The following KIF6 variants were observed in gnomAD, a reference collection of about 807,000 sequenced individuals.
KIF6 encodes kinesin-like protein KIF6.
KIF6 carries 106 observed loss-of-function variants against 112.7 expected under a neutral mutation model. That is an observed-to-expected ratio of 0.94 (90% CI 0.80 to 1.11). The LOEUF (loss-of-function observed/expected upper bound fraction) is 1.11. Ranked by LOEUF, KIF6 falls within the 50% of genes least tolerant of loss-of-function variation. KIF6 has a pLI of 0.00. For missense variants in KIF6, 929 were observed against 964.0 expected (o/e 0.96, Z 0.48); for synonymous variants, 339 against 339.9 (o/e 1.00, Z 0.03).
intron 13 of KIF6, among the ~76,000 whole-genome samples, chr6:39,524,759 T>C (rs1490459819): frequency 1.3e-5 from 2 of 152,208 alleles, no homozygotes; most frequent in Non-Finnish European, 2.9e-5. Context: ...ACAGCTCATC[T>C]TCTCCGTCCT....
At chr6:39,402,112 C>T (rs146149800) in intron 15 of KIF6, among the ~76,000 whole-genome samples, 1 of 152,150 alleles carries the variant, frequency 6.6e-6, no homozygotes, top group Non-Finnish European at 1.5e-5. Context: ...CTACTCTTTC[C>T]TCACTTGCTG....
intron 10 of KIF6, among the ~76,000 whole-genome samples, chr6:39,568,008 G>T (rs541088203): frequency 6.6e-6 from 1 of 152,270 alleles, no homozygotes; most frequent in African/African-American, 2.4e-5. Flanking sequence ...AAGCCAGAGG[G>T]GGCCTGAGCG....
chr6:39,548,150 T>C (rs1317609116), intron 10 of KIF6, among the ~76,000 whole-genome samples: 1 of 152,236 alleles, frequency 6.6e-6, no homozygotes, highest in Non-Finnish European at 1.5e-5. Context: ...GCTTTTTCTT[T>C]AGAAAACAAC....
At chr6:39,460,417 T>A (rs1258411742) in intron 13 of KIF6, among the ~76,000 whole-genome samples, 45 of 135,134 alleles carry the variant, frequency 3.3e-4, no homozygotes, top group African/African-American at 1.1e-3. Context: ...GAGATATACC[T>A]AATGCTAGAT....
chr6:39,394,098 T>C (rs1227585349), intron 15 of KIF6, among the ~76,000 whole-genome samples: 1 of 152,118 alleles, frequency 6.6e-6, no homozygotes, highest in Non-Finnish European at 1.5e-5. Flanking sequence ...GGAGGTTATG[T>C]GAATGAATAT....
chr6:39,611,115 G>A (rs1783191682), intron 6 of KIF6, among the ~76,000 whole-genome samples: 1 of 152,132 alleles, frequency 6.6e-6, no homozygotes, highest in Non-Finnish European at 1.5e-5. Flanking sequence ...AGACCAGCCT[G>A]GCTAACATGG....
chr6:39,609,400 T>A (rs116695464), intron 6 of KIF6, among the ~76,000 whole-genome samples: 22 of 152,232 alleles, frequency 1.4e-4, no homozygotes, highest in African/African-American at 3.1e-4. Context: ...CCAGAATCCA[T>A]CCAGGTCAAT....
intron 13 of KIF6, among the ~76,000 whole-genome samples, chr6:39,436,758 G>A (rs544171467): frequency 6.6e-6 from 1 of 152,150 alleles, no homozygotes; most frequent in East Asian, 1.9e-4. Context: ...ATGCTGTTTT[G>A]GTTATTATAG....
chr6:39,637,050 A>G (rs563220848), intron 4 of KIF6, among the ~76,000 whole-genome samples: 1 of 152,172 alleles, frequency 6.6e-6, no homozygotes, highest in East Asian at 1.9e-4. Context: ...TTATTGCTGT[A>G]GTTATTGTTT....
At chr6:39,665,545 TA>T (rs934304047) in intron 3 of KIF6, among the ~76,000 whole-genome samples, 2 of 152,008 alleles carry the variant, frequency 1.3e-5, no homozygotes, top group Admixed American at 6.6e-5. Flanking sequence ...TTTAAATAGT[TA>T]AAAAAACTAT....
chr6:39,587,600 C>T lies in KIF6; in HGVS notation c.847-1196G>A, dbSNP rs116183235. 5.8e-3 allele frequency among the ~76,000 whole-genome samples: 887 copies of T among 152,160 alleles called. 10 individuals carry two copies. Among genetic ancestry groups the T allele is most frequent in the African/African-American group, 0.015 (626 of 41,490 alleles). ...TTCTTCAAACCTTTGTTCACCCTCT[C>T]CTCTCCTCAATTTCACTTCGAGCTG... On this transcript the variant is annotated intron_variant, in intron 7 of 22. Coordinates refer to ENST00000287152, the MANE Select transcript of KIF6 (RefSeq NM_145027.6).
chr6:39,715,920 T>C (rs114842175), intron 2 of KIF6, among the ~76,000 whole-genome samples: 253 of 152,262 alleles, frequency 1.7e-3, no homozygotes, highest in African/African-American at 5.9e-3. Context: ...ACATAACACA[T>C]AGCTGCTGAA....
chr6:39,402,430 C>T lies in KIF6; in HGVS notation c.1811-16758G>A, dbSNP rs183488589. Among the ~76,000 whole-genome samples, 9 of 152,186 alleles carry T rather than the reference C, an allele frequency of 5.9e-5. No homozygotes were observed. In the East Asian group the frequency reaches 1.2e-3, roughly 20 times the overall value. On this transcript the variant is annotated intron_variant, in intron 15 of 22. Transcript: ENST00000287152. ...TCAGGGAGAGACATTTCTGGCTGTGCGGAACCTGATGAAATACTGTTTTGT... is the reference window on the plus strand; with the variant it reads ...TCAGGGAGAGACATTTCTGGCTGTGTGGAACCTGATGAAATACTGTTTTGT...
intron 15 of KIF6, among the ~76,000 whole-genome samples, chr6:39,413,269 G>A (rs1405962267): frequency 1.3e-5 from 2 of 152,058 alleles, no homozygotes; most frequent in African/African-American, 4.8e-5. Context: ...TTTCTCATAA[G>A]AACTACCTCC....
rs1780181739 is a variant in KIF6, at chr6:39,564,564, C to G, written c.1181+13492G>C. On this transcript the variant is annotated intron_variant, in intron 10 of 22. Coordinates refer to ENST00000287152, the MANE Select transcript of KIF6 (RefSeq NM_145027.6). ...TATAAGGATATAAAGGCAGGCAATA[C>G]AGCCAAGCTTCTACAAAAGAGCCTG... 2.0e-5 allele frequency among the ~76,000 whole-genome samples: 3 copies of G among 152,158 alleles called. No individual in the cohort carries two copies. The South Asian group carries it at 6.2e-4, about 32-fold the overall frequency.
At chr6:39,538,035 T>C (rs1476865844) in intron 13 of KIF6, among the ~76,000 whole-genome samples, 2 of 152,182 alleles carry the variant, frequency 1.3e-5, no homozygotes, top group Non-Finnish European at 2.9e-5. Context: ...TGAAACTGAA[T>C]TCCTTCCTTA....
At chr6:39,386,876 A>G (rs1289049396) in intron 15 of KIF6, among the ~76,000 whole-genome samples, 1 of 152,186 alleles carries the variant, frequency 6.6e-6, no homozygotes, top group Non-Finnish European at 1.5e-5. Context: ...CCACTGGGGG[A>G]TTCCAAGAAA....
intron 1 of KIF6, among the ~76,000 whole-genome samples, chr6:39,723,411 G>A (rs1369332016): frequency 6.6e-6 from 1 of 152,156 alleles, no homozygotes; most frequent in African/African-American, 2.4e-5. Flanking sequence ...TTTCCGAAAA[G>A]GGGATAGCTT....
intron 3 of KIF6, among the ~76,000 whole-genome samples, chr6:39,647,327 C>G (rs1315893120): frequency 3.3e-5 from 5 of 152,090 alleles, no homozygotes; most frequent in Non-Finnish European, 7.4e-5. Flanking sequence ...AGCAAGCTTT[C>G]TTAGTCCCTC....
Sources: gnomAD v4.1 joint callset for allele counts (sites outside exome capture counted in the v4.1 genomes callset) on GRCh38, gnomAD v4.1.1 for gene constraint, MANE v1.5 for transcripts, NCBI Gene and HGNC (gene_info 2026-07-23, HGNC 2026-07-21) for gene names.